KLRG1: variants seen among roughly 807,000 people sequenced by gnomAD.
The protein encoded by KLRG1 is killer cell lectin-like receptor subfamily G member 1.
Under a neutral mutation model 21.8 loss-of-function variants are expected in KLRG1, and 16 were observed. The ratio of observed to expected loss-of-function variants is 0.73; its 90% confidence interval spans 0.50 to 1.11. The LOEUF (loss-of-function observed/expected upper bound fraction) is 1.11. Among genes scored for constraint, KLRG1 ranks in the 50% most tolerant of loss-of-function variants. The pLI is 0.00. For synonymous variants in KLRG1, 69 were observed against 75.9 expected, an observed-to-expected ratio of 0.91 and a Z score of 0.47; for missense variants, 173 against 218.3, an observed-to-expected ratio of 0.79 and a Z score of 1.31.
the KLRG1 span, chr12:9,203,641 C>G: frequency 2.6e-6 from 3 of 1,143,796 alleles, no homozygotes; most frequent in Non-Finnish European, 3.7e-6. Flanking sequence ...GCACCTGGCC[C>G]CTGAAGTCCT....
the KLRG1 span, chr12:9,148,742 T>C: frequency 4.1e-6 from 2 of 483,590 alleles, no homozygotes; most frequent in East Asian, 3.6e-5. Flanking sequence ...TGCTAACCTA[T>C]TAGAATCCAA....
At chr12:9,104,484 C>T in the KLRG1 span, 2 of 1,411,950 alleles carry the variant, frequency 1.4e-6, no homozygotes, top group Non-Finnish European at 1.9e-6. Flanking sequence ...TTTTTAGTGC[C>T]TCCTCTATGT....
the KLRG1 span, among the ~76,000 whole-genome samples, chr12:9,207,142 A>G: frequency 2.0e-5 from 3 of 152,188 alleles, no homozygotes; most frequent in African/African-American, 7.2e-5. Context: ...GAAGAAGGCT[A>G]TTTGTGTTAG....
At chr12:9,197,026 C>T in the KLRG1 span, 24 of 1,611,040 alleles carry the variant, frequency 1.5e-5, no homozygotes, top group Non-Finnish European at 2.0e-5. Context: ...TGACTGAATT[C>T]CTCACAGACC....
chr12:9,011,062 G>T (rs1299851348), downstream of KLRG1, among the ~76,000 whole-genome samples: 2 of 152,178 alleles, frequency 1.3e-5, no homozygotes, highest in African/African-American at 4.8e-5. Context: ...GCCATGGCTT[G>T]GCTACTACAG....
At chr12:9,192,728 C>T in the KLRG1 span, 1 of 1,608,916 alleles carries the variant, frequency 6.2e-7, no homozygotes, top group Non-Finnish European at 8.5e-7. Flanking sequence ...AGTTGGGATG[C>T]ACAGTGAAAA....
chr12:8,983,710 A>G (rs980495859), intron 1 of KLRG1, among the ~76,000 whole-genome samples: 2 of 151,972 alleles, frequency 1.3e-5, no homozygotes, highest in Admixed American at 6.6e-5. Flanking sequence ...CCATTTTACC[A>G]TTTTAAAGAT....
At chr12:9,041,335 AAAAC>A in the KLRG1 span, among the ~76,000 whole-genome samples, 2 of 152,206 alleles carry the variant, frequency 1.3e-5, no homozygotes, top group African/African-American at 2.4e-5. Flanking sequence ...CTCCATCTCA[AAAAC>A]AAACAAACAA....
At chr12:9,106,350 A>G in the KLRG1 span, 1 of 1,581,670 alleles carries the variant, frequency 6.3e-7, no homozygotes. Flanking sequence ...CCACCACTGA[A>G]AAAAGAGAAA....
upstream of KLRG1, among the ~76,000 whole-genome samples, chr12:8,987,701 C>A (rs1019439031): frequency 6.6e-6 from 1 of 152,148 alleles, no homozygotes; most frequent in African/African-American, 2.4e-5. Context: ...ATTCTTCTTT[C>A]TTTGTCTATG....
At chr12:8,962,842 C>T (rs184641955) in intron 1 of KLRG1, among the ~76,000 whole-genome samples, 3 of 152,178 alleles carry the variant, frequency 2.0e-5, no homozygotes, top group Non-Finnish European at 4.4e-5. Context: ...TGTGGTACTA[C>T]GTCAGTCAAT....
In KLRG1 at chr12:8,955,732, C is replaced by T. The variant is rs1434190147; in HGVS notation, c.-156+5496C>T. Among the ~76,000 whole-genome samples the T allele has an allele frequency of 3.3e-5, 5 of 151,736 alleles. No homozygotes were observed. The East Asian group carries it at 9.7e-4, about 29-fold the overall frequency. On this transcript the variant is annotated intron_variant, in intron 1 of 4. Coordinates refer to the KLRG1 transcript ENST00000539240. ...TTTTTTAAATTATAGATTAATTTTG[C>T]CTATTTTAGAACTTAGTATAAATGG...
chr12:9,158,379 G>A, the KLRG1 span: 5 of 1,608,476 alleles, frequency 3.1e-6, no homozygotes, highest in Non-Finnish European at 4.3e-6. Flanking sequence ...GGGATGTTAT[G>A]TTGATGTGTG....
chr12:9,060,834 T>C, the KLRG1 span, among the ~76,000 whole-genome samples: 1 of 152,326 alleles, frequency 6.6e-6, no homozygotes, highest in East Asian at 1.9e-4. Flanking sequence ...GATGATCTTT[T>C]TCGTCACGTG....
the KLRG1 span, among the ~76,000 whole-genome samples, chr12:9,169,180 AT>A: frequency 0.59 from 88,286 of 149,792 alleles, 26,831 homozygotes; most frequent in East Asian, 0.83. Flanking sequence ...TGGTTTGCAA[AT>A]AAAAAAACCT....
At chr12:9,013,094 C>T (rs1193148643), downstream of KLRG1, among the ~76,000 whole-genome samples, 1 of 152,078 alleles carries the variant, frequency 6.6e-6, no homozygotes, top group East Asian at 1.9e-4. Context: ...TGTATCATAC[C>T]CAAGACCACC....
At chr12:9,150,754 G>A in the KLRG1 span, 8 of 1,576,514 alleles carry the variant, frequency 5.1e-6, no homozygotes, top group South Asian at 5.6e-5. Flanking sequence ...CACCTGAAAG[G>A]AAAAGTGGGA....
intron 3 of KLRG1, among the ~76,000 whole-genome samples, chr12:8,999,804 C>T (rs915320425): frequency 3.9e-5 from 6 of 152,072 alleles, no homozygotes; most frequent in African/African-American, 1.2e-4. Flanking sequence ...TTTGGGAGGC[C>T]GAGATGGGTG....
the KLRG1 span, chr12:9,110,428 A>C: frequency 1.4e-6 from 1 of 705,820 alleles, no homozygotes; most frequent in Admixed American, 3.3e-5. Context: ...CTAGCATAAC[A>C]GGGTGAGTAT....
Sources: allele counts gnomAD v4.1 joint callset (sites outside exome capture counted in the v4.1 genomes callset), GRCh38; gene constraint gnomAD v4.1.1; transcripts MANE v1.5; gene names NCBI Gene and HGNC (gene_info 2026-07-23, HGNC 2026-07-21).